BANP: variants seen among roughly 807,000 people sequenced by gnomAD.
The protein encoded by BANP is BTG3 associated nuclear protein, also known as protein BANP.
In BANP, 11 loss-of-function variants were observed where a neutral mutation model predicts 68.1. The ratio of observed to expected loss-of-function variants is 0.16; its 90% CI spans 0.10 to 0.27. The LOEUF is 0.27. Ranked by LOEUF, BANP falls within the 10% of genes least tolerant of loss-of-function variation. The pLI, the probability that BANP is intolerant of heterozygous loss-of-function variation, is 1.00. For synonymous variants in BANP, 329 were observed against 303.2 expected (o/e 1.09, Z -0.88); for missense variants, 504 against 722.7 (o/e 0.70, Z 3.47).
chr16:88,073,984 C>T (rs4075597), intron 13 of BANP, among the ~76,000 whole-genome samples: 8 of 152,100 alleles, frequency 5.3e-5, no homozygotes, highest in Admixed American at 3.9e-4. Context: ...AAAACCCCAG[C>T]GTGGTTGGAC....
Position 88,057,524 on chromosome 16 carries a change from C to T in BANP, c.1312-7743C>T, listed in dbSNP as rs1302428318. Among the ~76,000 whole-genome samples, 1 of 151,998 alleles carries T rather than the reference C, an allele frequency of 6.6e-6. No individual in the cohort carries two copies. ...CAAGAAACGAGGAGTGAAAAACACC[C>T]CTCAGGTCGCTTCATGCTGATTCTG... is the stretch of plus-strand genomic sequence containing the variant. On this transcript the variant is annotated intron_variant, in intron 11 of 13. Transcript: ENST00000682872. This position sits in a 1 kb window ranked among gnomAD's most constrained non-coding sequence, Gnocchi z 4.6.
At chr16:88,029,190 C>G (rs1165312512) in intron 8 of BANP, among the ~76,000 whole-genome samples, 1 of 151,512 alleles carries the variant, frequency 6.6e-6, no homozygotes, top group Non-Finnish European at 1.5e-5. Context: ...GCCTCTAATC[C>G]CAGCTACTTG....
chr16:88,019,444 T>G (rs1270330652), intron 7 of BANP, among the ~76,000 whole-genome samples: 2 of 151,620 alleles, frequency 1.3e-5, no homozygotes, highest in Non-Finnish European at 2.9e-5. Context: ...CAATCTGGGC[T>G]CTGGAGAGTC....
At chr16:87,986,661 A>G (rs904328647) in intron 4 of BANP, among the ~76,000 whole-genome samples, 52 of 152,302 alleles carry the variant, frequency 3.4e-4, no homozygotes, top group African/African-American at 1.3e-3. Context: ...TGCTCATGAA[A>G]ACATGTGATG....
chr16:88,039,004 C>T (rs1302563143), intron 11 of BANP, among the ~76,000 whole-genome samples: 2 of 152,212 alleles, frequency 1.3e-5, no homozygotes, highest in African/African-American at 2.4e-5. Flanking sequence ...ATCTCTGACC[C>T]GACTGAGCCT....
intron 11 of BANP, among the ~76,000 whole-genome samples, chr16:88,061,479 A>G (rs2086775580): frequency 6.6e-6 from 1 of 152,114 alleles, no homozygotes; most frequent in Admixed American, 6.5e-5. Flanking sequence ...CTAATGGGTG[A>G]TTTGGTTTGT....
Position 88,018,618 on chromosome 16 carries a change from C to G in BANP, c.846C>G (p.Gly282=). The change falls in exon 7 of 14, where the codon GGC becomes GGG. Residue 282 remains glycine (G), a synonymous_variant. Transcript: ENST00000682872. The surrounding 1 kb of genome is among the most constrained non-coding windows in gnomAD (Gnocchi z 7.7). Reference sequence around the variant, plus strand: ...CTGTGTCCAACCTCTCGGGGCAGGGCAAGCACGGGAAGAAGCAGCTGGACC... The same window carrying G: ...CTGTGTCCAACCTCTCGGGGCAGGGGAAGCACGGGAAGAAGCAGCTGGACC... The part of the protein sequence containing the change: ...VQAVSNLSGQ[G]KHGKKQLDPL... 2 of 1,582,330 alleles carry G rather than the reference C, an allele frequency of 1.3e-6. No homozygotes were observed. The highest frequency in any genetic ancestry group is 1.7e-6 in the Non-Finnish European group (2 of 1,163,940).
chr16:87,966,581 G>A (rs2060059875), intron 1 of BANP: 1 of 152,226 alleles, frequency 6.6e-6, no homozygotes, highest in Non-Finnish European at 1.5e-5. Flanking sequence ...CGAATAATGT[G>A]TGGTGTCCTC....
intron 9 of BANP, among the ~76,000 whole-genome samples, chr16:88,034,234 T>C (rs2078819353): frequency 1.3e-5 from 2 of 152,244 alleles, no homozygotes; most frequent in African/African-American, 4.8e-5. Flanking sequence ...AATAAGCTTA[T>C]TAATTTGTTT....
intron 1 of BANP, 31 bp from the exon 2 acceptor site, chr16:87,975,017 C>A (rs891831055): frequency 2.0e-6 from 2 of 1,004,338 alleles, no homozygotes; most frequent in Non-Finnish European, 3.1e-6. Context: ...TGGTTAATGT[C>A]CTCTCCTCCT....
chr16:88,069,017 C>T (rs570180655), intron 12 of BANP, among the ~76,000 whole-genome samples: 48 of 152,176 alleles, frequency 3.2e-4, no homozygotes, highest in African/African-American at 1.1e-3. Context: ...AGCCCCCTGT[C>T]CCTGCACCCA....
chr16:87,972,636 A>G (rs894916053), intron 1 of BANP, among the ~76,000 whole-genome samples: 2 of 152,054 alleles, frequency 1.3e-5, no homozygotes, highest in Non-Finnish European at 2.9e-5. Context: ...TCGTTTCTCT[A>G]ATTTCAGTGT....
intron 1 of BANP, among the ~76,000 whole-genome samples, chr16:87,955,272 G>C (rs1001379409): frequency 1.3e-4 from 20 of 152,350 alleles, no homozygotes; most frequent in Admixed American, 1.3e-3. Flanking sequence ...GGGGCCAGCT[G>C]TGTCCATCAG....
chr16:88,018,504 C>G lies in BANP; in HGVS notation c.732C>G (p.Ser244=), dbSNP rs59033811. 10 of 1,613,438 alleles carry G rather than the reference C, an allele frequency of 6.2e-6. No homozygotes were observed. Among genetic ancestry groups the G allele is most frequent in the African/African-American group, 1.3e-5 (1 of 74,908 alleles). Residue 244 remains serine, a synonymous_variant, in exon 7 of 14, where the codon TCC becomes TCG. Coordinates refer to ENST00000682872, the MANE Select transcript of BANP (RefSeq NM_001386991.1). This position sits in a 1 kb window ranked among gnomAD's most constrained non-coding sequence, Gnocchi z 7.7. ...GGGTACGCTGCGCCATCATCCCCTCCGACATGCTGCACATCAGCACCAACT... is the reference window on the plus strand; with the variant it reads ...GGGTACGCTGCGCCATCATCCCCTCGGACATGCTGCACATCAGCACCAACT... ...EMRVRCAIIP[S]DMLHISTNCR... is the part of the protein sequence containing the mutation.
At position 88,004,260 on chromosome 16, in the gene BANP, G is replaced by T; in HGVS notation, c.363-35G>T. 6.3e-6 allele frequency: 8 copies of T among 1,263,318 alleles called. No individual in the cohort carries two copies. The highest frequency in any genetic ancestry group is 6.8e-6 in the Non-Finnish European group (6 of 886,592). The allele number at this position is 1,263,318 out of a possible 1,614,324, so 78.3% of individuals were successfully genotyped here. On this transcript the variant is annotated intron_variant, in intron 4 of 13. Transcript: ENST00000682872. This position sits in a 1 kb window ranked among gnomAD's most constrained non-coding sequence, Gnocchi z 7.0. Reference sequence around the variant, plus strand: ...TTACCATGAATGTTGTTGTTTTAAGGCCTTCTTTTTCTTTGTGATTCTTTT... The same window carrying T: ...TTACCATGAATGTTGTTGTTTTAAGTCCTTCTTTTTCTTTGTGATTCTTTT...
Position 88,071,578 on chromosome 16 carries a change from C to T in BANP, c.1378-491C>T. 1 of 457,624 alleles carries T rather than the reference C, an allele frequency of 2.2e-6. No individual in the cohort carries two copies. Among genetic ancestry groups the T allele is most frequent in the South Asian group, 1.5e-5 (1 of 64,574 alleles). 28.3% of individuals were successfully genotyped at this position (457,624 alleles called of 1,614,324 possible). ...CTGGGTTCTCAGTGCCCACCAGCAG[C>T]TCCTTTGCTCTCCCTGAGCCCTTGA... On this transcript the variant is annotated intron_variant, in intron 12 of 13. Coordinates refer to ENST00000682872, the MANE Select transcript of BANP (RefSeq NM_001386991.1). This position sits in a 1 kb window ranked among gnomAD's most constrained non-coding sequence, Gnocchi z 6.5.
intron 6 of BANP, among the ~76,000 whole-genome samples, chr16:88,012,724 C>T (rs1417261120): frequency 6.6e-6 from 1 of 152,176 alleles, no homozygotes; most frequent in African/African-American, 2.4e-5. Flanking sequence ...ACACAGATAA[C>T]ATTTGTCGGA....
intron 4 of BANP, among the ~76,000 whole-genome samples, chr16:87,996,940 T>C (rs1295771261): frequency 1.3e-5 from 2 of 152,260 alleles, no homozygotes; most frequent in Non-Finnish European, 2.9e-5. Context: ...CAAAGCCTGT[T>C]GATGTCTGTT....
chr16:88,047,226 C>CA (rs2082234512), intron 11 of BANP, among the ~76,000 whole-genome samples: 2 of 152,106 alleles, frequency 1.3e-5, no homozygotes, highest in South Asian at 4.1e-4. Flanking sequence ...TGATGCGGGT[C>CA]ACGTAACGCA....
Sources: allele counts gnomAD v4.1 joint callset (sites outside exome capture counted in the v4.1 genomes callset), GRCh38; gene constraint gnomAD v4.1.1; non-coding constraint Gnocchi (gnomAD v3.1); transcripts MANE v1.5; gene names NCBI Gene and HGNC (gene_info 2026-07-23, HGNC 2026-07-21).